The following PPARGC1A variants were observed in gnomAD, a reference collection of about 807,000 sequenced individuals.
PPARGC1A encodes PPARG coactivator 1 alpha, also known as peroxisome proliferator-activated receptor gamma coactivator 1-alpha.
In PPARGC1A, 25 loss-of-function variants were observed where a neutral mutation model predicts 88.7. The ratio of observed to expected loss-of-function variants is 0.28; its 90% CI spans 0.21 to 0.39. The LOEUF (loss-of-function observed/expected upper bound fraction) is 0.39. Among genes scored for constraint, PPARGC1A ranks in the 10% least tolerant of loss-of-function variants. The pLI, the probability that PPARGC1A is intolerant of heterozygous loss-of-function variation, is 1.00. For missense variants in PPARGC1A, 880 were observed against 968.7 expected (o/e 0.91, Z 1.22); for synonymous variants, 363 against 355.6 (o/e 1.02, Z -0.24).
the PPARGC1A span, among the ~76,000 whole-genome samples, chr4:24,089,508 TTCTTTC>T: frequency 0.025 from 1,810 of 72,312 alleles, 118 homozygotes; most frequent in African/African-American, 0.067. Flanking sequence ...TTCTTTTCTT[TTCTTTC>T]TTTTTTTTTT....
In PPARGC1A at chr4:23,828,687, T is replaced by G; in HGVS notation, c.553-83A>C. ...ATATAGGTTTTCTGGAGAGATGGGA[T>G]TTTTCAATGAAGTGTTCAGTCTAAG... On this transcript the variant is annotated intron_variant, in intron 4 of 12. Transcript: ENST00000264867. 7 of 1,279,416 alleles carry G rather than the reference T, an allele frequency of 5.5e-6. No individual in the cohort carries two copies. In the South Asian group the frequency reaches 6.4e-5, roughly 12 times the overall value. 79.3% of individuals were successfully genotyped at this position (1,279,416 alleles called of 1,614,324 possible). A position where few individuals can be genotyped will look rare whatever the true frequency, so the allele number is the denominator to read the frequency against.
chr4:24,303,371 G>A, the PPARGC1A span, among the ~76,000 whole-genome samples: 1 of 152,156 alleles, frequency 6.6e-6, no homozygotes, highest in African/African-American at 2.4e-5. Context: ...TAGCAGCATG[G>A]GAGAGAAGCT....
At chr4:24,111,610 T>A in the PPARGC1A span, among the ~76,000 whole-genome samples, 2 of 152,212 alleles carry the variant, frequency 1.3e-5, no homozygotes, top group Admixed American at 6.5e-5. Context: ...GTCAAGGTAC[T>A]ACATAAATCC....
At chr4:24,359,091 G>A in the PPARGC1A span, among the ~76,000 whole-genome samples, 351 of 152,258 alleles carry the variant, frequency 2.3e-3, 1 homozygote, top group African/African-American at 7.6e-3. Context: ...AAAGTTCACC[G>A]TCTTTATTTA....
At chr4:23,984,567 C>T in the PPARGC1A span, among the ~76,000 whole-genome samples, 1 of 151,934 alleles carries the variant, frequency 6.6e-6, no homozygotes, top group African/African-American at 2.4e-5. Flanking sequence ...TAAAAAAAGT[C>T]TTAGGGAATA....
chr4:24,217,799 T>A, the PPARGC1A span, among the ~76,000 whole-genome samples: 1 of 151,870 alleles, frequency 6.6e-6, no homozygotes, highest in Admixed American at 6.6e-5. Context: ...TGAGACTCCA[T>A]CATGAAAAAA....
chr4:23,802,752 C>T (rs1457400347), intron 10 of PPARGC1A, among the ~76,000 whole-genome samples: 1 of 151,400 alleles, frequency 6.6e-6, no homozygotes, highest in Non-Finnish European at 1.5e-5. Context: ...TAAGAAACCC[C>T]ACTGAGCATG....
the PPARGC1A span, among the ~76,000 whole-genome samples, chr4:24,263,916 A>AT: frequency 6.6e-6 from 1 of 151,732 alleles, no homozygotes; most frequent in South Asian, 2.1e-4. Context: ...TGCCCAGCTA[A>AT]TTTTTTATGT....
At chr4:24,448,079 A>G in the PPARGC1A span, among the ~76,000 whole-genome samples, 19 of 152,202 alleles carry the variant, frequency 1.2e-4, no homozygotes, top group Admixed American at 2.0e-4. Flanking sequence ...TTAACGAGCT[A>G]CTAAACTTTT....
chr4:23,955,909 C>G, the PPARGC1A span, among the ~76,000 whole-genome samples: 20 of 152,058 alleles, frequency 1.3e-4, no homozygotes, highest in Non-Finnish European at 2.5e-4. Context: ...AGTCAGGAAA[C>G]TTTCCGTAAA....
the PPARGC1A span, among the ~76,000 whole-genome samples, chr4:23,953,261 A>T: frequency 6.6e-6 from 1 of 152,140 alleles, no homozygotes; most frequent in Non-Finnish European, 1.5e-5. Context: ...TTGGTCAACT[A>T]AGATTTTTAG....
At chr4:24,265,435 T>A in the PPARGC1A span, among the ~76,000 whole-genome samples, 5 of 152,130 alleles carry the variant, frequency 3.3e-5, no homozygotes, top group African/African-American at 9.7e-5. Context: ...GCCCTTAAAA[T>A]GAGTTTTGTT....
chr4:24,006,050 GGTTTT>G, the PPARGC1A span, among the ~76,000 whole-genome samples: 1 of 151,818 alleles, frequency 6.6e-6, no homozygotes, highest in Admixed American at 6.6e-5. Context: ...TGTTGTTGTT[GGTTTT>G]GTTTTGCTTT....
the PPARGC1A span, among the ~76,000 whole-genome samples, chr4:24,196,726 C>G: frequency 6.6e-6 from 1 of 152,142 alleles, no homozygotes; most frequent in Non-Finnish European, 1.5e-5. Context: ...GATGGGAATC[C>G]TAGTCCATCT....
chr4:23,967,452 C>G, the PPARGC1A span, among the ~76,000 whole-genome samples: 5 of 152,116 alleles, frequency 3.3e-5, no homozygotes, highest in Non-Finnish European at 5.9e-5. Context: ...GTAAAGCAGA[C>G]GCATGCAGAC....
chr4:24,124,223 A>G, the PPARGC1A span, among the ~76,000 whole-genome samples: 1 of 152,214 alleles, frequency 6.6e-6, no homozygotes, highest in Non-Finnish European at 1.5e-5. Flanking sequence ...ACAGTTTGAC[A>G]ATACTGATGG....
the PPARGC1A span, among the ~76,000 whole-genome samples, chr4:24,317,365 C>A: frequency 6.6e-6 from 1 of 151,660 alleles, no homozygotes; most frequent in Non-Finnish European, 1.5e-5. Flanking sequence ...GTGAAACCCA[C>A]AGGTAAATAA....
At chr4:24,027,730 C>T in the PPARGC1A span, among the ~76,000 whole-genome samples, 6 of 152,136 alleles carry the variant, frequency 3.9e-5, no homozygotes, top group South Asian at 1.2e-3. Flanking sequence ...CAACATGTCA[C>T]AGGTGCGAAG....
the PPARGC1A span, among the ~76,000 whole-genome samples, chr4:24,430,715 A>T: frequency 1.3e-5 from 2 of 152,240 alleles, no homozygotes; most frequent in Middle Eastern, 3.4e-3. Flanking sequence ...TTCAGTAACA[A>T]GGTGAAAGGG....
Sources: allele counts gnomAD v4.1 joint callset (sites outside exome capture counted in the v4.1 genomes callset), GRCh38; gene constraint gnomAD v4.1.1; transcripts MANE v1.5; gene names NCBI Gene and HGNC (gene_info 2026-07-23, HGNC 2026-07-21).